The following ADGRD1 variants were observed in gnomAD, a reference collection of about 807,000 sequenced individuals.
ADGRD1 encodes adhesion G protein-coupled receptor D1, also known as G-protein coupled receptor 133.
In ADGRD1, 77 loss-of-function variants were observed where a neutral mutation model predicts 113.4. That is an observed-to-expected ratio of 0.68 (90% confidence interval 0.57 to 0.82). The LOEUF (loss-of-function observed/expected upper bound fraction) is 0.82, where lower values mean the gene tolerates loss of function less well. ADGRD1 is among the 40% of genes least tolerant of loss of function. The pLI is 0.00. For missense variants in ADGRD1, 1,036 were observed against 1,139.1 expected (o/e 0.91, Z 1.30); for synonymous variants, 474 against 475.0 (o/e 1.00, Z 0.03).
chr12:131,136,387 G>C (rs958974406), intron 22 of ADGRD1, among the ~76,000 whole-genome samples: 1 of 152,278 alleles, frequency 6.6e-6, no homozygotes, highest in African/African-American at 2.4e-5. Flanking sequence ...GCCAGCATCT[G>C]TAGTTGGCAT....
chr12:131,098,128 C>CTGGGCTGCCTCACCGCCTT (rs1887427355), intron 15 of ADGRD1, among the ~76,000 whole-genome samples: 1 of 21,444 alleles, frequency 4.7e-5, no homozygotes. Flanking sequence ...CTCCCACTGT[C>CTGGGCTGCCTCACCGCCTT]CTCCCGCGGT....
chr12:131,109,550 T>C (rs1950305242), intron 18 of ADGRD1, among the ~76,000 whole-genome samples: 1 of 152,224 alleles, frequency 6.6e-6, no homozygotes, highest in African/African-American at 2.4e-5. Flanking sequence ...TTTCTCACTT[T>C]TTTCTATTAT....
rs1873064982 is a variant in ADGRD1 at position 130,982,044 on chromosome 12, G to A, written c.471G>A (p.Glu157=). Residue 157 remains glutamate (E), a synonymous_variant, in exon 5 of 25, where the codon GAG becomes GAA. Transcript: ENST00000261654. ...CGCGGGACAATTCCATGACATGGGAGGCCTCCTTCAGCCCCCCAGGTGAGT... is the reference window on the plus strand; with the variant it reads ...CGCGGGACAATTCCATGACATGGGAAGCCTCCTTCAGCCCCCCAGGTGAGT... ...LYTRDNSMTW[E]ASFSPPGPYW... is the part of the protein sequence containing the mutation. 2 of 1,613,664 alleles carry A rather than the reference G, an allele frequency of 1.2e-6. No individual in the cohort carries two copies. Among genetic ancestry groups the A allele is most frequent in the African/African-American group, 1.3e-5 (1 of 74,886 alleles).
chr12:131,121,205 G>A (rs1427226911), intron 20 of ADGRD1, among the ~76,000 whole-genome samples: 2 of 152,168 alleles, frequency 1.3e-5, no homozygotes, highest in Admixed American at 6.5e-5. Context: ...GCGCGGGCTC[G>A]TCCTTCCCCA....
intron 13 of ADGRD1, among the ~76,000 whole-genome samples, chr12:131,014,895 T>C (rs1466456730): frequency 2.0e-5 from 3 of 152,220 alleles, no homozygotes; most frequent in Non-Finnish European, 2.9e-5. Flanking sequence ...TGCCATTCTT[T>C]AGTAAAAGGC....
chr12:131,014,577 C>T (rs115354133), intron 13 of ADGRD1, among the ~76,000 whole-genome samples: 3 of 152,154 alleles, frequency 2.0e-5, no homozygotes, highest in Non-Finnish European at 2.9e-5. Flanking sequence ...GAAGAGGCGT[C>T]GAGGTGGCTC....
intron 19 of ADGRD1, among the ~76,000 whole-genome samples, chr12:131,119,156 T>C (rs141563980): frequency 6.2e-4 from 95 of 152,318 alleles, no homozygotes; most frequent in African/African-American, 2.2e-3. Flanking sequence ...GAGAAACCAC[T>C]GAGTGAAAAC....
Position 130,987,096 on chromosome 12 carries a change from C to A in ADGRD1, c.492C>A (p.Gly164=). The change falls in exon 6 of 25, where the codon GGC becomes GGA. Residue 164 remains glycine, a splice_region_variant and synonymous_variant. Coordinates refer to ENST00000261654, the MANE Select transcript of ADGRD1 (RefSeq NM_198827.5). ...MTWEASFSPP[G]PYWTHVLFTW... Reference sequence around the variant, plus strand: ...ATGGCGATCTTCACTCTTTTCCAGGCCCCTATTGGACTCATGTCCTATTTA... The same window carrying A: ...ATGGCGATCTTCACTCTTTTCCAGGACCCTATTGGACTCATGTCCTATTTA... 1 of 1,613,566 alleles carries A rather than the reference C, an allele frequency of 6.2e-7. No homozygotes were observed. Among genetic ancestry groups the A allele is most frequent in the South Asian group, 1.1e-5 (1 of 91,054 alleles).
intron 4 of ADGRD1, chr12:130,978,452 C>T (rs145403353): frequency 1.3e-5 from 2 of 152,152 alleles, no homozygotes; most frequent in East Asian, 3.9e-4. Flanking sequence ...CAATATTGTG[C>T]TTGTTTCTTT....
At chr12:131,045,213 G>A (rs1170492078) in intron 13 of ADGRD1, among the ~76,000 whole-genome samples, 1 of 152,242 alleles carries the variant, frequency 6.6e-6, no homozygotes, top group African/African-American at 2.4e-5. Context: ...CAGTCCCCAG[G>A]GCAGCCCGCA....
chr12:130,996,522 G>A (rs1174312713), intron 8 of ADGRD1, among the ~76,000 whole-genome samples: 43 of 130,130 alleles, frequency 3.3e-4, no homozygotes, highest in African/African-American at 1.1e-3. Flanking sequence ...GCGGCTGGCC[G>A]GGCGGGGGGC....
In ADGRD1 at chr12:130,984,892, C is replaced by T. The variant is rs1873450384; in HGVS notation, c.491-2203C>T. Among the ~76,000 whole-genome samples, 1 of 145,502 alleles carries T rather than the reference C, an allele frequency of 6.9e-6. No homozygotes were observed. The highest frequency in any genetic ancestry group is 2.3e-4 in the South Asian group (1 of 4,312). On this transcript the variant is annotated intron_variant, in intron 5 of 24. Transcript: ENST00000261654. The surrounding 1 kb of genome is among the most constrained non-coding windows in gnomAD (Gnocchi z 4.1). ...TTCCTTCTTTCCTTCCTTCTTTCTT[C>T]TCTTCTCTCTCTCTCTCACTCTCTC...
intron 15 of ADGRD1, among the ~76,000 whole-genome samples, chr12:131,087,654 A>T (rs1886580072): frequency 6.6e-6 from 1 of 152,114 alleles, no homozygotes; most frequent in African/African-American, 2.4e-5. Context: ...GATAATCCCG[A>T]GGGGATGTTC....
intron 20 of ADGRD1, among the ~76,000 whole-genome samples, chr12:131,130,993 ATT>A (rs1242372633): frequency 4.6e-5 from 7 of 152,148 alleles, no homozygotes; most frequent in African/African-American, 1.7e-4. Context: ...CGGCCTCAGA[ATT>A]TTTCAGACAC....
intron 2 of ADGRD1, chr12:130,957,020 C>T (rs759759057): frequency 6.6e-6 from 1 of 152,392 alleles, no homozygotes; most frequent in Non-Finnish European, 1.5e-5. Flanking sequence ...AAAGCATCCA[C>T]ACATATGCAC....
chr12:131,108,729 C>A lies in ADGRD1; in HGVS notation c.1893C>A (p.Pro631=). ...CATCTCTGGTTAAATCCTAGACCCCCTGCCAAGTGATGGCCGTGCTCCTAC... is the reference window on the plus strand; with the variant it reads ...CATCTCTGGTTAAATCCTAGACCCCATGCCAAGTGATGGCCGTGCTCCTAC... ...ISFRLEPGTT[P]CQVMAVLLHY... Residue 631 remains proline, a synonymous_variant, in exon 18 of 25, where the codon CCC becomes CCA. Coordinates refer to ENST00000261654, the MANE Select transcript of ADGRD1 (RefSeq NM_198827.5). 1 of 1,614,160 alleles carries A rather than the reference C, an allele frequency of 6.2e-7. No homozygotes were observed. The highest frequency in any genetic ancestry group is 1.3e-5 in the African/African-American group (1 of 75,034).
At chr12:131,000,249 T>G in intron 8 of ADGRD1, 134 bp from the exon 9 acceptor site, 6 of 693,866 alleles carry the variant, frequency 8.6e-6, no homozygotes, top group Non-Finnish European at 1.3e-5. Flanking sequence ...ACTCAGCTAT[T>G]TTTGTTGACT....
intron 15 of ADGRD1, among the ~76,000 whole-genome samples, chr12:131,099,163 C>T (rs553678280): frequency 1.3e-5 from 2 of 152,340 alleles, no homozygotes; most frequent in South Asian, 4.1e-4. Flanking sequence ...ATGGAACTTA[C>T]CGTCAGAGCT....
chr12:131,098,734 C>T (rs998437984), intron 15 of ADGRD1, among the ~76,000 whole-genome samples: 53 of 152,336 alleles, frequency 3.5e-4, no homozygotes, highest in African/African-American at 1.1e-3. Flanking sequence ...CCATCACAGC[C>T]TCATCAACAC....
Sources: gnomAD v4.1 joint callset for allele counts (sites outside exome capture counted in the v4.1 genomes callset) on GRCh38, gnomAD v4.1.1 for gene constraint, Gnocchi (gnomAD v3.1) non-coding constraint, MANE v1.5 for transcripts, NCBI Gene and HGNC (gene_info 2026-07-23, HGNC 2026-07-21) for gene names.